FNIP2: variants seen among roughly 807,000 people sequenced by gnomAD.
The protein encoded by FNIP2 is folliculin interacting protein 2, also known as folliculin-interacting protein 2.
Under a neutral mutation model 108.7 loss-of-function variants are expected in FNIP2, and 32 were observed. That is an observed-to-expected ratio of 0.29 (90% CI 0.22 to 0.40). The LOEUF (loss-of-function observed/expected upper bound fraction) is 0.40. Ranked by LOEUF, FNIP2 falls within the 10% of genes least tolerant of loss-of-function variation. FNIP2 has a pLI of 1.00. For missense variants in FNIP2, 1,202 were observed against 1,381.6 expected, an observed-to-expected ratio of 0.87 and a Z score of 2.06; for synonymous variants, 480 against 496.7, an observed-to-expected ratio of 0.97 and a Z score of 0.45.
chr4:158,850,545 A>G (rs547287492), intron 7 of FNIP2, among the ~76,000 whole-genome samples: 2 of 150,950 alleles, frequency 1.3e-5, no homozygotes, highest in East Asian at 3.9e-4. Context: ...GAAGCAGAGA[A>G]AGGTTCAGAG....
chr4:158,851,457 T>C lies in FNIP2; in HGVS notation c.857+7T>C, dbSNP rs538074670. 6.2e-7 allele frequency: 1 copy of C among 1,613,908 alleles called. No individual in the cohort carries two copies. Among genetic ancestry groups the C allele is most frequent in the South Asian group, 1.1e-5 (1 of 91,062 alleles). ...ATGGCATCATCCCAAGAAGGTGAGT[T>C]GCAAGTTTCCTCTTGCTGAGAAAAG... On this transcript the variant is annotated splice_region_variant and intron_variant, in intron 8 of 16. Transcript: ENST00000264433.
chr4:158,877,947 A>AC (rs929475230), intron 14 of FNIP2, among the ~76,000 whole-genome samples: 1 of 119,910 alleles, frequency 8.3e-6, no homozygotes, highest in African/African-American at 3.2e-5. Context: ...CTCCTCCCCC[A>AC]CCCCCCCTCA....
chr4:158,853,599 GC>G (rs1451073371), intron 8 of FNIP2, among the ~76,000 whole-genome samples: 1 of 152,246 alleles, frequency 6.6e-6, no homozygotes, highest in East Asian at 1.9e-4. Flanking sequence ...ATTGTTCAGT[GC>G]CCACCTATGA....
At chr4:158,875,541 T>TGC (rs1553964270) in intron 14 of FNIP2, among the ~76,000 whole-genome samples, 41,977 of 141,338 alleles carry the variant, frequency 0.3, 8,060 homozygotes, top group Non-Finnish European at 0.39. Context: ...TATATATATA[T>TGC]GCTCATGAAT....
At chr4:158,901,238 A>G (rs544014773) in intron 16 of FNIP2, among the ~76,000 whole-genome samples, 4 of 150,702 alleles carry the variant, frequency 2.7e-5, no homozygotes, top group East Asian at 3.9e-4. Context: ...GGTTTAAGCA[A>G]TTCTCTGCCT....
intron 15 of FNIP2, 76 bp downstream of exon 15, chr4:158,891,722 C>CA: frequency 7.4e-7 from 1 of 1,349,642 alleles, no homozygotes; most frequent in Non-Finnish European, 1.0e-6. Context: ...TATAAAATCA[C>CA]AAATTCAAAA....
intron 1 of FNIP2, among the ~76,000 whole-genome samples, chr4:158,798,694 T>G (rs1776667685): frequency 6.6e-6 from 1 of 152,240 alleles, no homozygotes; most frequent in South Asian, 2.1e-4. Context: ...AGTGAGTTCA[T>G]AAATTATTCT....
At chr4:158,865,661 T>C (rs183942933) in intron 12 of FNIP2, among the ~76,000 whole-genome samples, 2 of 152,330 alleles carry the variant, frequency 1.3e-5, no homozygotes, top group Admixed American at 1.3e-4. Context: ...TGAAACTGAT[T>C]TAACAAAAAA....
chr4:158,891,514 G>C lies in FNIP2; in HGVS notation c.3018G>C (p.Val1006=), dbSNP rs1335273950. 6.2e-7 allele frequency: 1 copy of C among 1,610,056 alleles called. No individual in the cohort carries two copies. ...CIIADTDKWS[V]QVATSQRKVT... ...TCGCAGACACGGATAAATGGAGTGT[G>C]CAGGTAGCTACAAGTCAGAGGAAAG... Residue 1006 remains valine (V), a synonymous_variant, in exon 15 of 17, where the codon GTG becomes GTC. Transcript: ENST00000264433.
chr4:158,827,314 G>A (rs1363914606), intron 2 of FNIP2, among the ~76,000 whole-genome samples: 2 of 152,224 alleles, frequency 1.3e-5, no homozygotes, highest in Non-Finnish European at 2.9e-5. Flanking sequence ...GGATGGTCTA[G>A]TTGAGCAGCT....
At chr4:158,791,122 A>C (rs925569002) in intron 1 of FNIP2, among the ~76,000 whole-genome samples, 17 of 151,986 alleles carry the variant, frequency 1.1e-4, no homozygotes, top group African/African-American at 3.9e-4. Flanking sequence ...ATAAACGAGA[A>C]GGTGGAATTT....
chr4:158,848,802 A>G (rs529203262), intron 7 of FNIP2, among the ~76,000 whole-genome samples: 5 of 152,318 alleles, frequency 3.3e-5, no homozygotes, highest in African/African-American at 1.2e-4. Context: ...TCAAGCAGAA[A>G]TTCTGGAGTT....
At chr4:158,879,431 A>G (rs572020960) in intron 14 of FNIP2, among the ~76,000 whole-genome samples, 1 of 150,536 alleles carries the variant, frequency 6.6e-6, no homozygotes, top group East Asian at 2.0e-4. Flanking sequence ...CAGAGTGAGG[A>G]TGAGAAGCAG....
chr4:158,859,592 T>C lies in FNIP2; in HGVS notation c.1074T>C (p.Cys358=). 6.2e-7 allele frequency: 1 copy of C among 1,613,176 alleles called. No homozygotes were observed. Among genetic ancestry groups the C allele is most frequent in the Non-Finnish European group, 8.5e-7 (1 of 1,179,454 alleles). The change falls in exon 10 of 17, where the codon TGT becomes TGC. Residue 358 remains cysteine (C), a synonymous_variant. Transcript: ENST00000264433. The part of the protein sequence containing the change: ...KSAIEKAMIS[C]RKIAESSLRV... ...CTTCAATAAAGGCTATGATCTCCTG[T>C]AGGAAAATAGCAGAATCAAGTCTCC... is the stretch of plus-strand genomic sequence containing the variant.
intron 2 of FNIP2, among the ~76,000 whole-genome samples, chr4:158,828,091 A>G (rs1778257400): frequency 6.6e-6 from 1 of 152,216 alleles, no homozygotes; most frequent in African/African-American, 2.4e-5. Context: ...ATATTAATAA[A>G]GGTTTATCCT....
At chr4:158,829,247 G>T (rs369835873) in intron 3 of FNIP2, 22 bp downstream of exon 3, 108 of 1,577,786 alleles carry the variant, frequency 6.8e-5, no homozygotes, top group Admixed American at 1.6e-4. Context: ...CCTTCTGTGG[G>T]AATAGCCCCT....
chr4:158,904,652 A>C lies in FNIP2; in HGVS notation c.*108A>C, dbSNP rs1319383144. On this transcript the variant is annotated 3_prime_UTR_variant, in exon 17 of 17. Transcript: ENST00000264433. ...TCAAAAGCATGAGAAGAGCAAACAG[A>C]AACAGTCATTCCACCTTTTTGTTTT... 7 of 952,374 alleles carry C rather than the reference A, an allele frequency of 7.4e-6. No individual in the cohort carries two copies. The African/African-American group carries it at 1.2e-4, about 16-fold the overall frequency. The allele number at this position is 952,374 out of a possible 1,614,324, so 59.0% of individuals were successfully genotyped here.
At chr4:158,843,557 A>G (rs1383452507) in intron 7 of FNIP2, among the ~76,000 whole-genome samples, 1 of 152,236 alleles carries the variant, frequency 6.6e-6, no homozygotes, top group Non-Finnish European at 1.5e-5. Context: ...GTAGGCAACC[A>G]CTTACCACTG....
At chr4:158,842,421 G>A (rs1182926622) in intron 7 of FNIP2, among the ~76,000 whole-genome samples, 1 of 152,118 alleles carries the variant, frequency 6.6e-6, no homozygotes, top group South Asian at 2.1e-4. Flanking sequence ...AAAATCCTTT[G>A]TGAAGCCAGA....
Sources: allele counts gnomAD v4.1 joint callset (sites outside exome capture counted in the v4.1 genomes callset), GRCh38; gene constraint gnomAD v4.1.1; transcripts MANE v1.5; gene names NCBI Gene and HGNC (gene_info 2026-07-23, HGNC 2026-07-21).